The following ZNF704 variants were observed in gnomAD, a reference collection of about 807,000 sequenced individuals.
ZNF704 encodes glucocorticoid induced gene 1.
In ZNF704, 10 loss-of-function variants were observed where a neutral mutation model predicts 44.7. That is an observed-to-expected ratio of 0.22 (90% CI 0.14 to 0.38). The LOEUF (loss-of-function observed/expected upper bound fraction) is 0.38. ZNF704 is among the 10% of genes least tolerant of loss of function. ZNF704 has a pLI of 1.00. For synonymous variants in ZNF704, 211 were observed against 207.6 expected (o/e 1.02, Z -0.14); for missense variants, 390 against 545.5 (o/e 0.71, Z 2.84).
intron 2 of ZNF704, among the ~76,000 whole-genome samples, chr8:80,711,727 G>A (rs919653785): frequency 3.9e-5 from 6 of 152,068 alleles, no homozygotes; most frequent in East Asian, 1.9e-4. Flanking sequence ...TAAAAGGGTG[G>A]GGCCACAAAA....
chr8:80,870,094 T>C (rs557745481), intron 1 of ZNF704, among the ~76,000 whole-genome samples: 1 of 152,334 alleles, frequency 6.6e-6, no homozygotes, highest in African/African-American at 2.4e-5. Context: ...GCACCCTGAT[T>C]GCAGCCTTGT....
intron 4 of ZNF704, among the ~76,000 whole-genome samples, chr8:80,683,325 C>T (rs1369494555): frequency 6.6e-6 from 1 of 152,202 alleles, no homozygotes; most frequent in East Asian, 1.9e-4. Context: ...ACACTCTCAC[C>T]TACCTTGGCT....
rs1436910736 is a variant in ZNF704 at position 80,632,131 on chromosome 8, G to A, written c.*9235C>T. The A allele has an allele frequency of 6.6e-6, 1 of 152,196 alleles. No homozygotes were observed. Among genetic ancestry groups the A allele is most frequent in the African/African-American group, 2.4e-5 (1 of 41,440 alleles). 9.4% of individuals were successfully genotyped at this position (152,196 alleles called of 1,614,324 possible). ...TCCTCTTAAGTCAAGGATGTAGAGA[G>A]AATTCAGAAGAAATAGATGAGCACC... On this transcript the variant is annotated 3_prime_UTR_variant, in exon 9 of 9. Transcript: ENST00000327835.
intron 2 of ZNF704, among the ~76,000 whole-genome samples, chr8:80,745,973 T>G (rs1806837000): frequency 6.6e-6 from 1 of 152,228 alleles, no homozygotes; most frequent in Non-Finnish European, 1.5e-5. Context: ...TTTAATTTCC[T>G]GGGACAGCTC....
intron 2 of ZNF704, among the ~76,000 whole-genome samples, chr8:80,708,155 T>A (rs1332909914): frequency 6.6e-6 from 1 of 152,222 alleles, no homozygotes; most frequent in Non-Finnish European, 1.5e-5. Context: ...ATTCTGTCAT[T>A]TAAAAATTTG....
chr8:80,755,497 A>G (rs1807019915), intron 2 of ZNF704, among the ~76,000 whole-genome samples: 1 of 152,052 alleles, frequency 6.6e-6, no homozygotes, highest in Non-Finnish European at 1.5e-5. Context: ...ACAGAACAGA[A>G]TGGTCCAGCT....
intron 1 of ZNF704, among the ~76,000 whole-genome samples, chr8:80,822,966 G>T (rs1304053575): frequency 6.6e-6 from 1 of 152,124 alleles, no homozygotes; most frequent in Non-Finnish European, 1.5e-5. Flanking sequence ...CAGGATGGAA[G>T]TTCCAAAATG....
At chr8:80,820,240 G>A (rs370227696) in intron 2 of ZNF704, among the ~76,000 whole-genome samples, 3 of 152,154 alleles carry the variant, frequency 2.0e-5, no homozygotes, top group Admixed American at 6.5e-5. Flanking sequence ...CCCTGCTGAC[G>A]TGGAGCTTGT....
chr8:80,795,447 CTG>C (rs1336274571), intron 2 of ZNF704, among the ~76,000 whole-genome samples: 1 of 152,158 alleles, frequency 6.6e-6, no homozygotes, highest in Non-Finnish European at 1.5e-5. Flanking sequence ...ATTTTAATAA[CTG>C]AACCCTGTAG....
chr8:80,771,568 CT>C (rs1418940726), intron 2 of ZNF704, among the ~76,000 whole-genome samples: 2 of 152,068 alleles, frequency 1.3e-5, no homozygotes, highest in African/African-American at 4.8e-5. Context: ...CCTTGCTTAA[CT>C]CTTTTATTAG....
chr8:80,746,590 T>C (rs73692123), intron 2 of ZNF704, among the ~76,000 whole-genome samples: 1,831 of 152,308 alleles, frequency 0.012, 31 homozygotes, highest in African/African-American at 0.042. Flanking sequence ...ACCTATGACA[T>C]GCTGGGTATT....
rs566182205 is a variant in ZNF704 at position 80,636,003 on chromosome 8, A to G, written c.*5363T>C. 3.9e-5 allele frequency: 6 copies of G among 152,332 alleles called. No homozygotes were observed. In the South Asian group the frequency reaches 1.2e-3, roughly 32 times the overall value. The allele number at this position is 152,332 out of a possible 1,614,324, so 9.4% of individuals were successfully genotyped here. On this transcript the variant is annotated 3_prime_UTR_variant, in exon 9 of 9. Transcript: ENST00000327835. ...TTTTAAAAAATAAGCTACAATGTAT[A>G]AAACCAAGGTCATTTCTCACAAAAT...
At chr8:80,811,323 T>G (rs1405370424) in intron 2 of ZNF704, among the ~76,000 whole-genome samples, 2 of 152,216 alleles carry the variant, frequency 1.3e-5, no homozygotes, top group Non-Finnish European at 2.9e-5. Context: ...TTAAAATTAT[T>G]TTTGCCTGTT....
At chr8:80,693,870 A>C (rs549318322) in intron 2 of ZNF704, among the ~76,000 whole-genome samples, 28 of 152,310 alleles carry the variant, frequency 1.8e-4, no homozygotes, top group African/African-American at 6.3e-4. Context: ...TAATATGATG[A>C]ATATTTGTAA....
chr8:80,813,410 G>A (rs888629157), intron 2 of ZNF704, among the ~76,000 whole-genome samples: 5 of 152,160 alleles, frequency 3.3e-5, no homozygotes, highest in African/African-American at 9.7e-5. Flanking sequence ...ACTAATGTGT[G>A]CTTATAATAA....
chr8:80,649,626 G>A (rs975363677), intron 7 of ZNF704, among the ~76,000 whole-genome samples: 11 of 152,198 alleles, frequency 7.2e-5, no homozygotes, highest in African/African-American at 1.9e-4. Context: ...AGGGGCACCC[G>A]CCATTGCCGA....
intron 1 of ZNF704, among the ~76,000 whole-genome samples, chr8:80,828,625 G>A (rs949800592): frequency 1.3e-5 from 2 of 151,938 alleles, no homozygotes; most frequent in South Asian, 2.1e-4. Flanking sequence ...TTTAATTTTC[G>A]GTAGGAGAAA....
intron 2 of ZNF704, among the ~76,000 whole-genome samples, chr8:80,784,080 A>G (rs753831758): frequency 2.2e-4 from 33 of 151,994 alleles, no homozygotes; most frequent in Non-Finnish European, 3.7e-4. Flanking sequence ...CTCATACTCC[A>G]TATGTCTTTT....
intron 2 of ZNF704, among the ~76,000 whole-genome samples, chr8:80,770,248 T>C (rs1212443920): frequency 6.6e-6 from 1 of 152,164 alleles, no homozygotes; most frequent in Admixed American, 6.5e-5. Context: ...GATAGTGACA[T>C]TAATATAGTC....
Sources: gnomAD v4.1 joint callset for allele counts (sites outside exome capture counted in the v4.1 genomes callset) on GRCh38, gnomAD v4.1.1 for gene constraint, MANE v1.5 for transcripts, NCBI Gene and HGNC (gene_info 2026-07-23, HGNC 2026-07-21) for gene names.